BLK: variants seen among roughly 807,000 people sequenced by gnomAD.
BLK encodes BLK proto-oncogene, Src family tyrosine kinase.
In BLK, 64 loss-of-function variants were observed where a neutral mutation model predicts 61.8. That is an observed-to-expected ratio of 1.03 (90% confidence interval 0.85 to 1.27). The LOEUF (loss-of-function observed/expected upper bound fraction) is 1.27, where lower values mean the gene tolerates loss of function less well. BLK is among the 50% of genes most tolerant of loss of function. The pLI is 0.00. For synonymous variants in BLK, 351 were observed against 272.0 expected (o/e 1.29, Z -2.86); for missense variants, 853 against 660.5 (o/e 1.29, Z -3.19).
chr8:11,544,176 A>C (rs1287754369), intron 2 of BLK, among the ~76,000 whole-genome samples: 1 of 152,052 alleles, frequency 6.6e-6, no homozygotes, highest in Non-Finnish European at 1.5e-5. Context: ...TGTTGGCTAG[A>C]TTGGTCTTGA....
intron 1 of BLK, among the ~76,000 whole-genome samples, chr8:11,511,304 GA>G (rs1798997987): frequency 6.6e-6 from 1 of 152,124 alleles, no homozygotes; most frequent in Admixed American, 6.5e-5. Context: ...GGGGTGGGGA[GA>G]GCGGGGAGGG....
At chr8:11,517,924 G>A (rs190626375) in intron 1 of BLK, among the ~76,000 whole-genome samples, 87 of 152,284 alleles carry the variant, frequency 5.7e-4, no homozygotes, top group Admixed American at 2.9e-3. Context: ...TAGCATTGAG[G>A]GCACCCCAGC....
intron 6 of BLK, among the ~76,000 whole-genome samples, chr8:11,551,671 T>C (rs970328305): frequency 2.6e-5 from 4 of 152,214 alleles, no homozygotes; most frequent in Admixed American, 2.0e-4. Flanking sequence ...CATTCTCATG[T>C]TGTGGGCATT....
intron 4 of BLK, among the ~76,000 whole-genome samples, chr8:11,548,503 C>T (rs962407718): frequency 4.7e-4 from 71 of 152,144 alleles, no homozygotes; most frequent in Non-Finnish European, 1.2e-4. Context: ...AGACAGGAGC[C>T]CACACTGATG....
chr8:11,545,943 C>T, intron 2 of BLK, 109 bp from the exon 3 acceptor site: 1 of 1,165,290 alleles, frequency 8.6e-7, no homozygotes, highest in Non-Finnish European at 1.3e-6. Flanking sequence ...TCTCCTCCTT[C>T]AGTAGGTCCC....
At chr8:11,504,371 GAA>G (rs546256146) in intron 1 of BLK, among the ~76,000 whole-genome samples, 50 of 16,886 alleles carry the variant, frequency 3.0e-3, no homozygotes, top group African/African-American at 6.4e-3. Context: ...AAGGAAGAAA[GAA>G]AAGAAAAGAA....
At chr8:11,523,569 A>T (rs1244803498) in intron 1 of BLK, among the ~76,000 whole-genome samples, 1 of 152,224 alleles carries the variant, frequency 6.6e-6, no homozygotes, top group Non-Finnish European at 1.5e-5. Context: ...AACAAAAAAA[A>T]TTAGTAAGTT....
intron 1 of BLK, among the ~76,000 whole-genome samples, chr8:11,529,923 A>C (rs1799819686): frequency 6.6e-6 from 1 of 152,168 alleles, no homozygotes; most frequent in South Asian, 2.1e-4. Context: ...ATAACCCCAA[A>C]AATCAACCAA....
rs369728833 is a variant in BLK, at chr8:11,561,484, T to G, written c.1180+32T>G. The G allele has an allele frequency of 5.6e-6, 9 of 1,609,270 alleles. No individual in the cohort carries two copies. In the African/African-American group the frequency reaches 1.1e-4, roughly 19 times the overall value. On this transcript the variant is annotated intron_variant, in intron 11 of 12. Coordinates refer to ENST00000259089, the MANE Select transcript of BLK (RefSeq NM_001715.3). ...ACAGCCCCTAACCACAAGGGAAACC[T>G]AGGGCCTTATCTTTCCCAGCTCCTC...
intron 8 of BLK, chr8:11,555,923 G>C: frequency 3.1e-6 from 1 of 322,556 alleles, no homozygotes; most frequent in Non-Finnish European, 6.1e-6. Context: ...TCCAGGCCTG[G>C]TGTCCTCACA....
intron 1 of BLK, among the ~76,000 whole-genome samples, chr8:11,519,564 AG>A (rs1799357927): frequency 6.6e-6 from 1 of 152,250 alleles, no homozygotes; most frequent in African/African-American, 2.4e-5. Flanking sequence ...AACATACAAA[AG>A]TTTATGTACA....
At chr8:11,527,063 A>G (rs1799685879) in intron 1 of BLK, among the ~76,000 whole-genome samples, 2 of 152,138 alleles carry the variant, frequency 1.3e-5, no homozygotes, top group Non-Finnish European at 2.9e-5. Flanking sequence ...AGGACGTCCT[A>G]GTGTCGCTTA....
At chr8:11,535,452 T>G (rs1417327866) in intron 1 of BLK, among the ~76,000 whole-genome samples, 1 of 152,222 alleles carries the variant, frequency 6.6e-6, no homozygotes, top group East Asian at 1.9e-4. Flanking sequence ...CTGAACGTGT[T>G]TTCTATCTTC....
chr8:11,516,287 C>G (rs1397534660), intron 1 of BLK, among the ~76,000 whole-genome samples: 2 of 152,202 alleles, frequency 1.3e-5, no homozygotes, highest in Non-Finnish European at 2.9e-5. Flanking sequence ...TAACAAAGAA[C>G]AGAAAGCCCG....
intron 1 of BLK, among the ~76,000 whole-genome samples, chr8:11,526,665 G>C (rs916984113): frequency 3.9e-5 from 6 of 152,210 alleles, no homozygotes; most frequent in African/African-American, 1.4e-4. Context: ...GTTGCAGTGA[G>C]CTGAGACTGT....
At chr8:11,535,957 A>G (rs1171019872) in intron 1 of BLK, among the ~76,000 whole-genome samples, 2 of 152,320 alleles carry the variant, frequency 1.3e-5, no homozygotes, top group East Asian at 1.9e-4. Context: ...AAACTAACCA[A>G]AGTCAGAGCA....
At chr8:11,503,962 T>A (rs902334591) in intron 1 of BLK, among the ~76,000 whole-genome samples, 1 of 152,040 alleles carries the variant, frequency 6.6e-6, no homozygotes, top group African/African-American at 2.4e-5. Flanking sequence ...GGCCGGGAGA[T>A]GAAGGGATCT....
At chr8:11,512,813 C>G (rs1295238422) in intron 1 of BLK, among the ~76,000 whole-genome samples, 2 of 152,134 alleles carry the variant, frequency 1.3e-5, no homozygotes, top group Non-Finnish European at 2.9e-5. Flanking sequence ...ACAGGCGCCA[C>G]CCACCACCAT....
chr8:11,555,515 C>A (rs533113642), intron 8 of BLK, 31 bp downstream of exon 8: 3 of 1,613,456 alleles, frequency 1.9e-6, no homozygotes, highest in South Asian at 1.1e-5. Flanking sequence ...GAGCATTTCT[C>A]CCCCCATTCC....
Sources: allele counts gnomAD v4.1 joint callset (sites outside exome capture counted in the v4.1 genomes callset), GRCh38; gene constraint gnomAD v4.1.1; transcripts MANE v1.5; gene names NCBI Gene and HGNC (gene_info 2026-07-23, HGNC 2026-07-21).